Variants in CA9 observed in about 807,000 individuals in gnomAD.
The protein encoded by CA9 is CA-IX.
Under a neutral mutation model 51.8 loss-of-function variants are expected in CA9, and 43 were observed. The ratio of observed to expected loss-of-function variants is 0.83; its 90% CI spans 0.65 to 1.07. The LOEUF (loss-of-function observed/expected upper bound fraction) is 1.07, where lower values mean the gene tolerates loss of function less well. Among genes scored for constraint, CA9 ranks in the 50% least tolerant of loss-of-function variants. CA9 has a pLI of 0.00. For synonymous variants in CA9, 253 were observed against 244.2 expected (o/e 1.04, Z -0.34); for missense variants, 574 against 581.4 (o/e 0.99, Z 0.13).
Position 35,680,276 on chromosome 9 carries a change from T to G in CA9, c.1237+137T>G, listed in dbSNP as rs1824513958. 4.2e-6 allele frequency: 4 copies of G among 962,358 alleles called. No homozygotes were observed. The Admixed American group carries it at 7.8e-5, about 19-fold the overall frequency. 59.6% of individuals were successfully genotyped at this position (962,358 alleles called of 1,614,324 possible). ...CCAACCCCAATATTAGAGAGGCAGATCATGGTGGGGATTCCCCCATTGTCC... is the reference window on the plus strand; with the variant it reads ...CCAACCCCAATATTAGAGAGGCAGAGCATGGTGGGGATTCCCCCATTGTCC... On this transcript the variant is annotated intron_variant, in intron 9 of 10. Coordinates refer to ENST00000378357, the MANE Select transcript of CA9 (RefSeq NM_001216.3).
chr9:35,675,918 C>A lies in CA9; in HGVS notation c.591C>A (p.Asn197Lys). The A allele has an allele frequency of 6.2e-7, 1 of 1,607,234 alleles. No individual in the cohort carries two copies. The highest frequency in any genetic ancestry group is 1.1e-5 in the South Asian group (1 of 90,556). ...LPPLPELRLR[N>K]NGHSVQLTLP... is the part of the protein sequence containing the mutation. ...CGCTCCCAGAACTGCGCCTGCGCAA[C>A]AATGGCCACAGTGGTGAGGGGGTCT... The change falls in exon 3 of 11, where the codon AAC becomes AAA. Residue 197 changes from asparagine to lysine, a missense_variant. By Grantham distance (94) the Asn-to-Lys change is moderately conservative. Coordinates refer to ENST00000378357, the MANE Select transcript of CA9 (RefSeq NM_001216.3).
At position 35,675,582 on chromosome 9, in the gene CA9, C is replaced by T. The variant is rs1211195766; in HGVS notation, c.433+15C>T. 11 of 1,613,870 alleles carry T rather than the reference C, an allele frequency of 6.8e-6. No homozygotes were observed. The East Asian group carries it at 1.6e-4, about 23-fold the overall frequency. The stretch of plus-strand genomic sequence containing the variant: ...GCGCTATGGAGGTGAGACACCCACC[C>T]GCTGCACAGACCCAATCTGGGAACC... On this transcript the variant is annotated intron_variant, in intron 2 of 10. Coordinates refer to ENST00000378357, the MANE Select transcript of CA9 (RefSeq NM_001216.3).
chr9:35,678,995 C>T (rs566665526), intron 6 of CA9, among the ~76,000 whole-genome samples, 190 bp from the exon 7 acceptor site: 3 of 152,004 alleles, frequency 2.0e-5, no homozygotes, highest in Non-Finnish European at 4.4e-5. Flanking sequence ...TTCCTCAGGC[C>T]TCTTCCAGTT....
chr9:35,680,050 T>C (rs561778043), intron 8 of CA9, 52 bp downstream of exon 8: 109 of 1,614,096 alleles, frequency 6.8e-5, no homozygotes, highest in Non-Finnish European at 8.1e-5. Flanking sequence ...TCCTCCCATG[T>C]GTGTGCCAGT....
chr9:35,675,207 T>A (rs1824392508), intron 1 of CA9: 1 of 337,380 alleles, frequency 3.0e-6, no homozygotes, highest in Non-Finnish European at 5.5e-6. Context: ...TTGGTCAGGC[T>A]GGTCTCGAAC....
intron 5 of CA9, 136 bp from the exon 6 acceptor site, chr9:35,677,654 A>G: frequency 4.5e-6 from 3 of 671,548 alleles, no homozygotes; most frequent in South Asian, 1.7e-5. Flanking sequence ...AGCAACAACC[A>G]TTACAATTTT....
At chr9:35,679,759 G>C in intron 7 of CA9, 95 bp from the exon 8 acceptor site, 2 of 1,190,820 alleles carry the variant, frequency 1.7e-6, no homozygotes, top group Non-Finnish European at 2.4e-6. Flanking sequence ...AGGAGCTGGA[G>C]GGTGGAGCCC....
chr9:35,676,328 C>T lies in CA9; in HGVS notation c.779C>T (p.Ala260Val), dbSNP rs1824422392. The change falls in exon 5 of 11, where the codon GCC becomes GTC. Residue 260 changes from alanine to valine, a missense_variant. Physicochemically the swap from Ala to Val is moderately conservative, Grantham distance 64. Transcript: ENST00000378357. Reference sequence around the variant, plus strand: ...GTGGTTCACCTCAGCACCGCCTTTGCCAGAGTTGACGAGGCCTTGGGGCGC... The same window carrying T: ...GTGGTTCACCTCAGCACCGCCTTTGTCAGAGTTGACGAGGCCTTGGGGCGC... ...IHVVHLSTAF[A>V]RVDEALGRPG... The T allele has an allele frequency of 6.2e-7, 1 of 1,614,106 alleles. No homozygotes were observed.
chr9:35,677,384 G>A (rs193276219), intron 5 of CA9, among the ~76,000 whole-genome samples: 3 of 152,254 alleles, frequency 2.0e-5, no homozygotes, highest in East Asian at 3.9e-4. Flanking sequence ...CAACACAAAG[G>A]TGTATATATG....
In CA9 at chr9:35,675,868, G is replaced by A. The variant is rs199516419; in HGVS notation, c.541G>A (p.Glu181Lys). ...CTTCTGCCCGGCCCTGCGCCCCCTGGAACTCCTGGGCTTCCAGCTCCCGCC... is the reference window on the plus strand; with the variant it reads ...CTTCTGCCCGGCCCTGCGCCCCCTGAAACTCCTGGGCTTCCAGCTCCCGCC... ...AAFCPALRPL[E>K]LLGFQLPPLP... Residue 181 changes from glutamate to lysine, a missense_variant, in exon 3 of 11, where the codon GAA (glutamate) becomes AAA (lysine). Glu to Lys is a moderately conservative substitution (Grantham distance 56). Coordinates refer to ENST00000378357, the MANE Select transcript of CA9 (RefSeq NM_001216.3). The A allele has an allele frequency of 1.0e-4, 168 of 1,606,280 alleles. No homozygotes were observed. The African/African-American group carries it at 2.1e-3, about 20-fold the overall frequency.
chr9:35,675,704 G>C lies in CA9; in HGVS notation c.434-57G>C, dbSNP rs1452674871. 13 of 1,547,934 alleles carry C rather than the reference G, an allele frequency of 8.4e-6. No individual in the cohort carries two copies. In the Admixed American group the frequency reaches 2.2e-4, roughly 27 times the overall value. On this transcript the variant is annotated intron_variant, in intron 2 of 10. Coordinates refer to ENST00000378357, the MANE Select transcript of CA9 (RefSeq NM_001216.3). ...CCACCCCCTCACCTTTTCTACCCGG[G>C]TTCCCTAAGTTCCTGACCTAGGCGT... is the stretch of plus-strand genomic sequence containing the variant.
At chr9:35,675,626 C>T in intron 2 of CA9, 59 bp downstream of exon 2, 1 of 1,603,434 alleles carries the variant, frequency 6.2e-7, no homozygotes, top group Non-Finnish European at 8.5e-7. Flanking sequence ...TGGATCTCCC[C>T]TACAGCCGTC....
Position 35,673,976 on chromosome 9 carries a change from C to T in CA9, c.17C>T (p.Pro6Leu). Reference sequence around the variant, plus strand: ...GTCAGCCGCATGGCTCCCCTGTGCCCCAGCCCCTGGCTCCCTCTGTTGATC... The same window carrying T: ...GTCAGCCGCATGGCTCCCCTGTGCCTCAGCCCCTGGCTCCCTCTGTTGATC... MAPLC[P>L]SPWLPLLIPA... The change falls in exon 1 of 11, where the codon CCC becomes CTC. Residue 6 changes from proline to leucine, a missense_variant. Pro to Leu is a moderately conservative substitution (Grantham distance 98). Coordinates refer to ENST00000378357, the MANE Select transcript of CA9 (RefSeq NM_001216.3). 6.2e-7 allele frequency: 1 copy of T among 1,605,482 alleles called. No homozygotes were observed. Among genetic ancestry groups the T allele is most frequent in the South Asian group, 1.1e-5 (1 of 89,396 alleles).
chr9:35,674,307 T>G lies in CA9; in HGVS notation c.348T>G (p.Val116=). ...TGAAGTTAGAGGATCTACCTACTGTTGAGGCTCCTGGAGATCCTCAAGAAC... is the reference window on the plus strand; with the variant it reads ...TGAAGTTAGAGGATCTACCTACTGTGGAGGCTCCTGGAGATCCTCAAGAAC... ...GSLKLEDLPT[V]EAPGDPQEPQ... The change falls in exon 1 of 11, where the codon GTT becomes GTG. Residue 116 remains valine, a synonymous_variant. Transcript: ENST00000378357. The G allele has an allele frequency of 6.2e-7, 1 of 1,614,102 alleles. No homozygotes were observed. Among genetic ancestry groups the G allele is most frequent in the Non-Finnish European group, 8.5e-7 (1 of 1,180,000 alleles).
Position 35,675,894 on chromosome 9 carries a change from G to A in CA9, c.567G>A (p.Pro189=), listed in dbSNP as rs377693403. The A allele has an allele frequency of 3.9e-5, 62 of 1,608,544 alleles. No homozygotes were observed. The highest frequency in any genetic ancestry group is 6.7e-5 in the Admixed American group (4 of 59,812). The change falls in exon 3 of 11, where the codon CCG becomes CCA. Residue 189 remains proline (P), a synonymous_variant. Coordinates refer to ENST00000378357, the MANE Select transcript of CA9 (RefSeq NM_001216.3). The part of the protein sequence containing the change: ...PLELLGFQLP[P]LPELRLRNNG... ...AACTCCTGGGCTTCCAGCTCCCGCCGCTCCCAGAACTGCGCCTGCGCAACA... is the reference window on the plus strand; with the variant it reads ...AACTCCTGGGCTTCCAGCTCCCGCCACTCCCAGAACTGCGCCTGCGCAACA...
At chr9:35,674,480 C>T (rs1824379518) in intron 1 of CA9, 118 bp downstream of exon 1, 7 of 926,524 alleles carry the variant, frequency 7.6e-6, no homozygotes, top group South Asian at 1.7e-5. Flanking sequence ...CCCACAGAAG[C>T]CCTTCCAGAG....
In CA9 at chr9:35,676,086, G is replaced by A; in HGVS notation, c.627G>A (p.Gly209=). The change falls in exon 4 of 11, where the codon GGG becomes GGA. Residue 209 remains glycine (G), a synonymous_variant. Transcript: ENST00000378357. ...CAGTGCAACTGACCCTGCCTCCTGGGCTAGAGATGGCTCTGGGTCCCGGGC... is the reference window on the plus strand; with the variant it reads ...CAGTGCAACTGACCCTGCCTCCTGGACTAGAGATGGCTCTGGGTCCCGGGC... The part of the protein sequence containing the change: ...GHSVQLTLPP[G]LEMALGPGRE... 6.2e-7 allele frequency: 1 copy of A among 1,613,588 alleles called. No individual in the cohort carries two copies. Among genetic ancestry groups the A allele is most frequent in the Non-Finnish European group, 8.5e-7 (1 of 1,179,846 alleles).
chr9:35,676,516 G>A (rs1824426903), intron 5 of CA9, 127 bp downstream of exon 5: 4 of 734,780 alleles, frequency 5.4e-6, no homozygotes, highest in Non-Finnish European at 6.9e-6. Flanking sequence ...ACTCATTCAC[G>A]CACTGTTTGT....
At position 35,675,628 on chromosome 9, in the gene CA9, A is replaced by G; in HGVS notation, c.433+61A>G. On this transcript the variant is annotated intron_variant, in intron 2 of 10. Coordinates refer to ENST00000378357, the MANE Select transcript of CA9 (RefSeq NM_001216.3). ...GAACCCAGCTCTGTGGATCTCCCCT[A>G]CAGCCGTCCCTGAACACTGGTCCCG... The G allele has an allele frequency of 2.5e-6, 4 of 1,603,248 alleles. No individual in the cohort carries two copies. The South Asian group carries it at 4.4e-5, about 18-fold the overall frequency.
Sources: gnomAD v4.1 joint callset for allele counts (sites outside exome capture counted in the v4.1 genomes callset) on GRCh38, gnomAD v4.1.1 for gene constraint, MANE v1.5 for transcripts, NCBI Gene and HGNC (gene_info 2026-07-23, HGNC 2026-07-21) for gene names.